Variants in WWOX observed in about 807,000 individuals in gnomAD.
WWOX encodes WW domain-containing oxidoreductase.
Under a neutral mutation model 46.2 loss-of-function variants are expected in WWOX, and 69 were observed. The observed-to-expected ratio is 1.49, with a 90% CI of 1.23 to 1.82. The LOEUF (loss-of-function observed/expected upper bound fraction) is 1.82. WWOX is among the 40% of genes most tolerant of loss of function. The pLI is 0.00. For missense variants in WWOX, 919 were observed against 542.6 expected (o/e 1.69, Z -6.89); for synonymous variants, 359 against 202.6 (o/e 1.77, Z -6.56).
chr16:78,326,573 C>A (rs1356807246), intron 5 of WWOX, among the ~76,000 whole-genome samples: 2 of 50,244 alleles, frequency 4.0e-5, no homozygotes, highest in African/African-American at 8.6e-5. Context: ...CCTGCCCTCC[C>A]CCCGCCCCCC....
At chr16:78,355,706 G>C in intron 5 of WWOX, 1 of 743,086 alleles carries the variant, frequency 1.3e-6, no homozygotes, top group Middle Eastern at 2.9e-4. Flanking sequence ...GGAAGAAACT[G>C]TGACTACTAT....
At chr16:78,369,002 C>G (rs1233830246) in intron 5 of WWOX, among the ~76,000 whole-genome samples, 2 of 152,148 alleles carry the variant, frequency 1.3e-5, no homozygotes, top group African/African-American at 4.8e-5. Context: ...ATCTCCCCTT[C>G]TTATCTAATC....
At chr16:78,847,314 C>T (rs886533024) in intron 8 of WWOX, among the ~76,000 whole-genome samples, 8 of 152,076 alleles carry the variant, frequency 5.3e-5, no homozygotes, top group Non-Finnish European at 8.8e-5. Context: ...CCATTTATTC[C>T]TGTATCTCTG....
intron 8 of WWOX, chr16:78,872,972 G>C (rs1194687129): frequency 1.3e-5 from 2 of 151,942 alleles, no homozygotes; most frequent in Non-Finnish European, 2.9e-5. Context: ...TAATCTTTGT[G>C]TTTCTGTAAA....
chr16:78,327,869 ATTTTTTTTT>A (rs762650030), intron 5 of WWOX, among the ~76,000 whole-genome samples: 46 of 81,096 alleles, frequency 5.7e-4, no homozygotes, highest in South Asian at 5.2e-3. Context: ...ATGAGTCCTG[ATTTTTTTTT>A]TTTTTTTTTT....
At chr16:78,389,055 A>C (rs1011607858) in intron 6 of WWOX, among the ~76,000 whole-genome samples, 6 of 152,006 alleles carry the variant, frequency 3.9e-5, no homozygotes, top group Non-Finnish European at 7.4e-5. Flanking sequence ...AGTCAGTCTT[A>C]GTGAGAGTTG....
At chr16:78,662,030 C>T (rs182927708) in intron 8 of WWOX, among the ~76,000 whole-genome samples, 57 of 152,122 alleles carry the variant, frequency 3.7e-4, no homozygotes, top group African/African-American at 1.3e-3. Flanking sequence ...GATGATAGAG[C>T]GAGACCATGT....
chr16:79,092,872 G>T (rs1262665616), intron 8 of WWOX, among the ~76,000 whole-genome samples: 1 of 152,130 alleles, frequency 6.6e-6, no homozygotes, highest in African/African-American at 2.4e-5. Context: ...CAGCTCCATA[G>T]GAGTGGAGTT....
intron 8 of WWOX, chr16:79,203,702 T>G (rs938024146): frequency 1.1e-4 from 16 of 152,308 alleles, no homozygotes; most frequent in Admixed American, 7.8e-4. Context: ...AGAGCCATTC[T>G]GTGCAGAAGA....
intron 8 of WWOX, among the ~76,000 whole-genome samples, chr16:78,932,792 C>A (rs1305745005): frequency 6.6e-6 from 1 of 152,130 alleles, no homozygotes; most frequent in African/African-American, 2.4e-5. Flanking sequence ...TCAGGCTGGT[C>A]CCAAGCCCCT....
At chr16:78,670,678 A>T (rs1077964) in intron 8 of WWOX, among the ~76,000 whole-genome samples, 31,074 of 151,932 alleles carry the variant, frequency 0.2, 5,601 homozygotes, top group African/African-American at 0.49. Flanking sequence ...TTAAAAAAAA[A>T]TTTTTATTTA....
chr16:78,579,821 A>G (rs925314316), intron 8 of WWOX, among the ~76,000 whole-genome samples: 1 of 152,170 alleles, frequency 6.6e-6, no homozygotes, highest in Non-Finnish European at 1.5e-5. Context: ...CTGGAACATG[A>G]TGGTGCTTGG....
intron 8 of WWOX, among the ~76,000 whole-genome samples, chr16:78,793,105 C>G (rs2050647902): frequency 6.6e-6 from 1 of 152,200 alleles, no homozygotes; most frequent in South Asian, 2.1e-4. Flanking sequence ...AAGGCTCTCA[C>G]TCTGTTGCTC....
At chr16:78,924,589 G>T (rs1206618683) in intron 8 of WWOX, among the ~76,000 whole-genome samples, 1 of 152,196 alleles carries the variant, frequency 6.6e-6, no homozygotes, top group South Asian at 2.1e-4. Flanking sequence ...AAGAAAGCCA[G>T]TATTGGTAAA....
intron 3 of WWOX, 39 bp from the exon 4 acceptor site, chr16:78,114,937 G>A (rs777776208): frequency 6.2e-7 from 1 of 1,613,392 alleles, no homozygotes; most frequent in Non-Finnish European, 8.5e-7. Context: ...AAATGCCTGT[G>A]TTCATTGCTG....
At chr16:78,558,864 A>G (rs1031488751) in intron 8 of WWOX, among the ~76,000 whole-genome samples, 1 of 151,994 alleles carries the variant, frequency 6.6e-6, no homozygotes. Flanking sequence ...TCTCTCTACA[A>G]CCTTCAGTCT....
At chr16:78,365,226 G>T (rs1330565207) in intron 5 of WWOX, among the ~76,000 whole-genome samples, 1 of 152,198 alleles carries the variant, frequency 6.6e-6, no homozygotes, top group Non-Finnish European at 1.5e-5. Context: ...TGGTGGGTCT[G>T]TGTCACCTTC....
chr16:78,632,684 G>C (rs530139359), intron 8 of WWOX, among the ~76,000 whole-genome samples: 117 of 148,930 alleles, frequency 7.9e-4, no homozygotes, highest in African/African-American at 2.7e-3. Flanking sequence ...TCAGCCTCTC[G>C]AATAGCTGGG....
At chr16:78,885,933 T>TG (rs1333460475) in intron 8 of WWOX, among the ~76,000 whole-genome samples, 1 of 144,284 alleles carries the variant, frequency 6.9e-6, no homozygotes, top group African/African-American at 2.6e-5. Flanking sequence ...AATTTTTTTT[T>TG]TTTTTTTTTG....
Sources: allele counts gnomAD v4.1 joint callset (sites outside exome capture counted in the v4.1 genomes callset), GRCh38; gene constraint gnomAD v4.1.1; transcripts MANE v1.5; gene names NCBI Gene and HGNC (gene_info 2026-07-23, HGNC 2026-07-21).